SORCS2: variants seen among roughly 807,000 people sequenced by gnomAD.
SORCS2 encodes the protein sortilin related VPS10 domain containing receptor 2.
Under a neutral mutation model 141.6 loss-of-function variants are expected in SORCS2, and 100 were observed. The observed-to-expected ratio is 0.71, with a 90% CI of 0.60 to 0.83. The LOEUF (loss-of-function observed/expected upper bound fraction) is 0.83. SORCS2 is among the 40% of genes least tolerant of loss of function. The pLI is 0.00. For synonymous variants in SORCS2, 789 were observed against 676.9 expected, an observed-to-expected ratio of 1.17 and a Z score of -2.57; for missense variants, 1,646 against 1,560.2, an observed-to-expected ratio of 1.05 and a Z score of -0.93.
chr4:7,331,972 T>C (rs927318444), intron 1 of SORCS2, among the ~76,000 whole-genome samples: 1 of 152,134 alleles, frequency 6.6e-6, no homozygotes, highest in Non-Finnish European at 1.5e-5. Context: ...TGCCAGGCCG[T>C]CCTGAGAGCT....
At chr4:7,246,401 GC>G (rs1299699761) in intron 1 of SORCS2, among the ~76,000 whole-genome samples, 3 of 151,896 alleles carry the variant, frequency 2.0e-5, no homozygotes, top group Non-Finnish European at 4.4e-5. Flanking sequence ...CTCACCCGGG[GC>G]TTAAATGAAC....
intron 3 of SORCS2, among the ~76,000 whole-genome samples, chr4:7,609,686 G>C (rs1718281736): frequency 6.6e-6 from 1 of 152,262 alleles, no homozygotes; most frequent in Admixed American, 6.5e-5. Context: ...GGGGAAGGTG[G>C]ACGTGAGCTC....
intron 3 of SORCS2, among the ~76,000 whole-genome samples, chr4:7,636,300 C>T (rs949878009): frequency 4.6e-5 from 7 of 152,272 alleles, no homozygotes; most frequent in African/African-American, 1.4e-4. Flanking sequence ...AACTGCTCTC[C>T]TGCCTCACCC....
In SORCS2 at chr4:7,623,947, A is replaced by G. The variant is rs1391192609; in HGVS notation, c.649-14381A>G. Among the ~76,000 whole-genome samples, 5 of 152,254 alleles carry G rather than the reference A, an allele frequency of 3.3e-5. No homozygotes were observed. The East Asian group carries it at 9.7e-4, about 29-fold the overall frequency. ...GCAGCAGCTGTCAGGGCTCTACCCCACCAACCCCTAAGCCACTGGGTGGTG... is the reference window on the plus strand; with the variant it reads ...GCAGCAGCTGTCAGGGCTCTACCCCGCCAACCCCTAAGCCACTGGGTGGTG... On this transcript the variant is annotated intron_variant, in intron 3 of 26. Transcript: ENST00000507866.
At chr4:7,207,224 G>A (rs1448761593) in intron 1 of SORCS2, among the ~76,000 whole-genome samples, 1 of 152,162 alleles carries the variant, frequency 6.6e-6, no homozygotes, top group Non-Finnish European at 1.5e-5. Flanking sequence ...TTCATTCTTT[G>A]TCTGTGAATG....
intron 2 of SORCS2, among the ~76,000 whole-genome samples, chr4:7,514,421 C>T (rs989256036): frequency 2.0e-5 from 3 of 152,060 alleles, no homozygotes; most frequent in African/African-American, 7.2e-5. Flanking sequence ...GAACCTGACA[C>T]TGTAGAGGGG....
At chr4:7,710,300 G>A (rs1725741655) in intron 14 of SORCS2, among the ~76,000 whole-genome samples, 1 of 152,184 alleles carries the variant, frequency 6.6e-6, no homozygotes, top group South Asian at 2.1e-4. Flanking sequence ...CCCTGGCCGG[G>A]TCCCTTGCCT....
At chr4:7,372,646 C>T (rs750386079) in intron 1 of SORCS2, among the ~76,000 whole-genome samples, 4 of 152,174 alleles carry the variant, frequency 2.6e-5, no homozygotes, top group Middle Eastern at 3.2e-3. Flanking sequence ...CAGTAAGTTT[C>T]GATAAATGCA....
At chr4:7,652,502 C>T (rs902428411) in intron 4 of SORCS2, among the ~76,000 whole-genome samples, 5 of 152,108 alleles carry the variant, frequency 3.3e-5, no homozygotes, top group African/African-American at 7.2e-5. Flanking sequence ...CGTGGGCCCC[C>T]GACCCCGCCC....
At chr4:7,456,349 TTTCCC>T (rs775670426) in intron 2 of SORCS2, among the ~76,000 whole-genome samples, 6 of 152,210 alleles carry the variant, frequency 3.9e-5, no homozygotes, top group Non-Finnish European at 5.9e-5. Flanking sequence ...GAATGAGGCA[TTTCCC>T]TTCTGCTGAG....
intron 2 of SORCS2, among the ~76,000 whole-genome samples, chr4:7,492,767 A>G (rs1367517662): frequency 6.6e-6 from 1 of 152,232 alleles, no homozygotes; most frequent in Non-Finnish European, 1.5e-5. Flanking sequence ...AAGGAAGTCA[A>G]AATCCTTTCT....
chr4:7,354,690 G>A (rs1721143865), intron 1 of SORCS2, among the ~76,000 whole-genome samples: 1 of 151,986 alleles, frequency 6.6e-6, no homozygotes, highest in African/African-American at 2.4e-5. Flanking sequence ...AGCGTGGGGT[G>A]GAAAAGTGAG....
intron 1 of SORCS2, chr4:7,310,461 C>T (rs1718113563): frequency 1.9e-5 from 3 of 154,300 alleles, no homozygotes; most frequent in Non-Finnish European, 2.9e-5. Flanking sequence ...AGTACAACTT[C>T]GGTATACTTT....
intron 3 of SORCS2, among the ~76,000 whole-genome samples, chr4:7,593,084 T>A (rs4689790): frequency 1.3e-5 from 2 of 151,832 alleles, no homozygotes; most frequent in Non-Finnish European, 2.9e-5. Context: ...TCACATATGG[T>A]GGCAGTCAGG....
intron 11 of SORCS2, among the ~76,000 whole-genome samples, chr4:7,695,255 G>C (rs1017445286): frequency 2.2e-5 from 3 of 138,364 alleles, no homozygotes; most frequent in Admixed American, 1.5e-4. Flanking sequence ...TGGGTGGATG[G>C]TTAGATGGAT....
chr4:7,542,513 C>T (rs1475300750), intron 3 of SORCS2, among the ~76,000 whole-genome samples: 1 of 152,082 alleles, frequency 6.6e-6, no homozygotes, highest in Non-Finnish European at 1.5e-5. Context: ...GAGGCAGCTG[C>T]AGGAAGGGGA....
chr4:7,520,288 A>C (rs1213651387), intron 2 of SORCS2, among the ~76,000 whole-genome samples: 2 of 152,224 alleles, frequency 1.3e-5, no homozygotes, highest in East Asian at 3.8e-4. Flanking sequence ...GCAGGAGTTT[A>C]TAGATAGCGA....
intron 1 of SORCS2, chr4:7,382,000 G>A (rs2109071318): frequency 1.0e-6 from 1 of 985,330 alleles, no homozygotes; most frequent in Non-Finnish European, 1.2e-6. Context: ...CAGGTGAACA[G>A]GACCAGGGAC....
At chr4:7,523,092 T>TCCTCCCTCTGCCC (rs1733444823) in intron 2 of SORCS2, among the ~76,000 whole-genome samples, 1 of 137,250 alleles carries the variant, frequency 7.3e-6, no homozygotes, top group Admixed American at 7.3e-5. Flanking sequence ...CCCATTTCCC[T>TCCTCCCTCTGCCC]CCTCCCTCTG....
Sources: allele counts gnomAD v4.1 joint callset (sites outside exome capture counted in the v4.1 genomes callset), GRCh38; gene constraint gnomAD v4.1.1; transcripts MANE v1.5; gene names NCBI Gene and HGNC (gene_info 2026-07-23, HGNC 2026-07-21).